FIG4: variants seen among roughly 807,000 people sequenced by gnomAD.
FIG4 encodes FIG4 phosphoinositide 5-phosphatase, also known as polyphosphoinositide phosphatase.
A neutral mutation model predicts 118.6 loss-of-function variants in FIG4; 112 were observed. The ratio of observed to expected loss-of-function variants is 0.94; its 90% CI spans 0.81 to 1.11. The LOEUF (loss-of-function observed/expected upper bound fraction) is 1.11. FIG4 is among the 50% of genes least tolerant of loss of function. The pLI is 0.00. For synonymous variants in FIG4, 369 were observed against 381.2 expected (o/e 0.97, Z 0.37); for missense variants, 969 against 1,111.7 (o/e 0.87, Z 1.83).
At chr6:109,765,276 C>G in intron 14 of FIG4, 115 bp downstream of exon 14, 1 of 821,286 alleles carries the variant, frequency 1.2e-6, no homozygotes, top group Admixed American at 2.1e-5. Flanking sequence ...AATTATGTTG[C>G]TAGAAAACAT....
chr6:109,798,765 A>G (rs1323244538), intron 22 of FIG4, among the ~76,000 whole-genome samples: 1 of 152,106 alleles, frequency 6.6e-6, no homozygotes. Flanking sequence ...GCCTTCAAAA[A>G]TGCTGTTTAT....
intron 10 of FIG4, among the ~76,000 whole-genome samples, chr6:109,746,745 A>C (rs907574797): frequency 2.0e-5 from 3 of 152,158 alleles, no homozygotes; most frequent in South Asian, 2.1e-4. Context: ...TGAAAAGATT[A>C]CTGTGACCTC....
At chr6:109,761,446 C>T (rs1326678246) in intron 11 of FIG4, among the ~76,000 whole-genome samples, 5 of 152,004 alleles carry the variant, frequency 3.3e-5, no homozygotes, top group Non-Finnish European at 7.4e-5. Context: ...AGTGCAGTGG[C>T]GCAATCTCGG....
At position 109,743,223 on chromosome 6, in the gene FIG4, A is replaced by T; in HGVS notation, c.990A>T (p.Leu330Phe). 6.2e-7 allele frequency: 1 copy of T among 1,612,964 alleles called. No individual in the cohort carries two copies. The highest frequency in any genetic ancestry group is 2.2e-5 in the East Asian group (1 of 44,784). Residue 330 changes from leucine (L) to phenylalanine (F), a missense_variant, in exon 9 of 23, where the codon TTA becomes TTT. By Grantham distance (22) the Leu-to-Phe change is conservative. This residue lies in a region of FIG4 where 393 missense variants were observed against 409.4 expected (regional missense o/e 0.96). Coordinates refer to ENST00000230124, the MANE Select transcript of FIG4 (RefSeq NM_014845.6). ...SYVQVRGSVPLYWSQDISTMM... is the reference protein window; with the variant it reads ...SYVQVRGSVPFYWSQDISTMM... Reference sequence around the variant, plus strand: ...TACAAGTTAGAGGATCTGTGCCCTTATACTGGTCTCAGGACATTTCAACTA... The same window carrying T: ...TACAAGTTAGAGGATCTGTGCCCTTTTACTGGTCTCAGGACATTTCAACTA...
At chr6:109,784,829 C>A in intron 16 of FIG4, 141 bp from the exon 17 acceptor site, 1 of 505,556 alleles carries the variant, frequency 2.0e-6, no homozygotes, top group Non-Finnish European at 3.5e-6. Flanking sequence ...AAAAGCTTTG[C>A]AAACATGTTT....
intron 18 of FIG4, among the ~76,000 whole-genome samples, chr6:109,788,151 T>C (rs1778037131): frequency 6.6e-6 from 1 of 152,200 alleles, no homozygotes; most frequent in Non-Finnish European, 1.5e-5. Context: ...TTAGGTGTAC[T>C]AAATACATAT....
intron 4 of FIG4, among the ~76,000 whole-genome samples, chr6:109,731,090 ACCT>A (rs1775986007): frequency 2.0e-5 from 3 of 152,200 alleles, no homozygotes; most frequent in Admixed American, 2.0e-4. Flanking sequence ...GAGATTCTGA[ACCT>A]TACCTAGTAA....
rs542085130 is a variant in FIG4, at chr6:109,810,389, T to C, written c.2546+13538T>C. Among the ~76,000 whole-genome samples, 6 of 152,362 alleles carry C rather than the reference T, an allele frequency of 3.9e-5. No individual in the cohort carries two copies. The East Asian group carries it at 1.2e-3, about 29-fold the overall frequency. On this transcript the variant is annotated intron_variant, in intron 22 of 22. Transcript: ENST00000230124. ...GATCTGATCCCATTCCTTCCGCTGC[T>C]GAGCTGTGAGTCCTTGCCTGTCCAG...
chr6:109,796,115 G>C (rs1203712574), intron 21 of FIG4, among the ~76,000 whole-genome samples: 1 of 152,250 alleles, frequency 6.6e-6, no homozygotes, highest in Non-Finnish European at 1.5e-5. Context: ...CCTTAGTGCT[G>C]TTCAAGTCTG....
chr6:109,726,545 C>G (rs1775823321), intron 3 of FIG4, among the ~76,000 whole-genome samples: 1 of 151,980 alleles, frequency 6.6e-6, no homozygotes, highest in South Asian at 2.1e-4. Flanking sequence ...ATGCCTCCAG[C>G]TTTGTTCTTT....
rs74613872 is a variant in FIG4, at chr6:109,738,766, A to G, written c.775+313A>G. ...GAGAGGATGGGACAGGCCCATGGGA[A>G]TAGTTGAACTTGGCCTGGGCCCTAA... On this transcript the variant is annotated intron_variant, in intron 7 of 22. Coordinates refer to ENST00000230124, the MANE Select transcript of FIG4 (RefSeq NM_014845.6). 3.1e-3 allele frequency among the ~76,000 whole-genome samples: 466 copies of G among 152,318 alleles called. 9 individuals are homozygous for G. In the East Asian group the frequency reaches 0.06, roughly 19 times the overall value.
chr6:109,727,516 C>G (rs1222017965), intron 4 of FIG4, among the ~76,000 whole-genome samples: 1 of 152,014 alleles, frequency 6.6e-6, no homozygotes, highest in Non-Finnish European at 1.5e-5. Context: ...GTTAAAGACT[C>G]CATTATAGCA....
chr6:109,753,415 T>C lies in FIG4; in HGVS notation c.1138-6835T>C, dbSNP rs1776775102. ...TTGTTCTTTTGGCTTAGGATTGACTTGGTGATGCGGGCTCTTTTTTGGTTC... is the reference window on the plus strand; with the variant it reads ...TTGTTCTTTTGGCTTAGGATTGACTCGGTGATGCGGGCTCTTTTTTGGTTC... On this transcript the variant is annotated intron_variant, in intron 10 of 22. Coordinates refer to ENST00000230124, the MANE Select transcript of FIG4 (RefSeq NM_014845.6). Among the ~76,000 whole-genome samples the C allele has an allele frequency of 1.3e-5, 2 of 151,744 alleles. 1 individual carries two copies.
At chr6:109,744,236 G>A (rs1489300316) in intron 10 of FIG4, among the ~76,000 whole-genome samples, 1 of 152,106 alleles carries the variant, frequency 6.6e-6, no homozygotes, top group Non-Finnish European at 1.5e-5. Flanking sequence ...GGGTACTGTT[G>A]TGACTGAAGG....
intron 10 of FIG4, among the ~76,000 whole-genome samples, chr6:109,759,774 A>C (rs1777043815): frequency 6.6e-6 from 1 of 152,226 alleles, no homozygotes; most frequent in South Asian, 2.1e-4. Flanking sequence ...TATCTCACAG[A>C]GTATTTGCAA....
chr6:109,787,193 T>A (rs777964446), intron 18 of FIG4, among the ~76,000 whole-genome samples: 19 of 152,228 alleles, frequency 1.2e-4, no homozygotes, highest in Admixed American at 5.9e-4. Flanking sequence ...GATGGGACCC[T>A]TTAGGAAAAA....
chr6:109,809,667 GT>G (rs945042065), intron 22 of FIG4, among the ~76,000 whole-genome samples: 1 of 152,166 alleles, frequency 6.6e-6, no homozygotes, highest in African/African-American at 2.4e-5. Context: ...TCTGTGACTG[GT>G]TGAAGAAATC....
rs1778302542 is a variant in FIG4 at position 109,796,853 on chromosome 6, T to C, written c.2546+2T>C. 6.6e-7 allele frequency: 1 copy of C among 1,526,680 alleles called. No homozygotes were observed. Among genetic ancestry groups the C allele is most frequent in the East Asian group, 2.2e-5 (1 of 44,482 alleles). The allele number at this position is 1,526,680 out of a possible 1,614,324, so 94.6% of individuals were successfully genotyped here. A position where few individuals can be genotyped will look rare whatever the true frequency, so the allele number is the denominator to read the frequency against. On this transcript the variant is annotated splice_donor_variant, in intron 22 of 22. Coordinates refer to ENST00000230124, the MANE Select transcript of FIG4 (RefSeq NM_014845.6). LOFTEE classifies it high-confidence loss of function. Reference sequence around the variant, plus strand: ...GTGCTCAGATGGAGTTATAAAACTGTAAGTACTAGATTAGATCTTTAAAGA... The same window carrying C: ...GTGCTCAGATGGAGTTATAAAACTGCAAGTACTAGATTAGATCTTTAAAGA...
At chr6:109,811,110 C>A (rs1339213631) in intron 22 of FIG4, among the ~76,000 whole-genome samples, 3 of 152,106 alleles carry the variant, frequency 2.0e-5, no homozygotes, top group Non-Finnish European at 4.4e-5. Flanking sequence ...GCTGAGATAA[C>A]TGGGAGTATT....
Sources: gnomAD v4.1 joint callset for allele counts (sites outside exome capture counted in the v4.1 genomes callset) on GRCh38, gnomAD v4.1.1 for gene constraint, gnomAD v4.1.1 regional missense constraint, MANE v1.5 for transcripts, NCBI Gene and HGNC (gene_info 2026-07-23, HGNC 2026-07-21) for gene names.